Variants in TRAF3 observed in about 807,000 individuals in gnomAD.
The protein encoded by TRAF3 is TNF receptor-associated factor 3.
TRAF3 carries 13 observed loss-of-function variants against 62.3 expected under a neutral mutation model. The observed-to-expected ratio is 0.21, with a 90% CI of 0.14 to 0.33. TRAF3 has a LOEUF of 0.33. TRAF3 is among the 10% of genes least tolerant of loss of function. The pLI, the probability that TRAF3 is intolerant of heterozygous loss-of-function variation, is 1.00. For missense variants in TRAF3, 440 were observed against 741.8 expected (o/e 0.59, Z 4.73); for synonymous variants, 269 against 283.4 (o/e 0.95, Z 0.51).
intron 9 of TRAF3, chr14:102,895,177 T>A (rs1889937819): frequency 2.2e-6 from 1 of 453,094 alleles, no homozygotes; most frequent in Non-Finnish European, 4.4e-6. Flanking sequence ...ATGCTGCATA[T>A]GGCCCGCTCC....
At chr14:102,780,990 TC>T (rs1284768100) in intron 1 of TRAF3, among the ~76,000 whole-genome samples, 1 of 152,146 alleles carries the variant, frequency 6.6e-6, no homozygotes, top group Non-Finnish European at 1.5e-5. Context: ...GAATACTTTC[TC>T]CCACCAGGAA....
intron 6 of TRAF3, among the ~76,000 whole-genome samples, chr14:102,879,755 T>C (rs1281325149): frequency 6.6e-6 from 1 of 152,060 alleles, no homozygotes. Flanking sequence ...GTAATTTTCC[T>C]GTGTCCATGT....
rs376825456 is a variant in TRAF3, at chr14:102,789,870, AGTGCAGTG to A, written c.-157+12205_-157+12212del. 1.6e-3 allele frequency among the ~76,000 whole-genome samples: 235 copies of A among 150,816 alleles called. 1 individual carries two copies. Among genetic ancestry groups the A allele is most frequent in the Non-Finnish European group, 2.9e-3 (198 of 67,758 alleles). ...AGTCTCCTTCTGTTGCCCAGGCTGG[AGTGCAGTG>A]GTGCAGTGGCATGATCTTGGCTCAC... On this transcript the variant is annotated intron_variant, in intron 1 of 11. Transcript: ENST00000392745.
At chr14:102,787,196 T>C (rs983557542) in intron 1 of TRAF3, among the ~76,000 whole-genome samples, 1 of 152,084 alleles carries the variant, frequency 6.6e-6, no homozygotes, top group Non-Finnish European at 1.5e-5. Context: ...AGAAGGACAT[T>C]ATTGGACTGC....
At chr14:102,863,616 G>A (rs1019012166) in intron 2 of TRAF3, among the ~76,000 whole-genome samples, 2 of 152,160 alleles carry the variant, frequency 1.3e-5, no homozygotes, top group African/African-American at 4.8e-5. Context: ...GGGCATTTGT[G>A]GAGCCTTCTG....
chr14:102,879,974 G>A (rs1382403980), intron 6 of TRAF3, among the ~76,000 whole-genome samples: 1 of 151,926 alleles, frequency 6.6e-6, no homozygotes, highest in Admixed American at 6.6e-5. Flanking sequence ...AATTTAGCCG[G>A]GTGTGCTGAA....
At chr14:102,874,011 G>T (rs138267002) in intron 4 of TRAF3, among the ~76,000 whole-genome samples, 28 of 152,278 alleles carry the variant, frequency 1.8e-4, no homozygotes, top group African/African-American at 6.3e-4. Context: ...TGGGATCCCA[G>T]GACTTTGGGA....
intron 3 of TRAF3, among the ~76,000 whole-genome samples, chr14:102,871,192 C>T (rs780478016): frequency 6.6e-6 from 1 of 152,234 alleles, no homozygotes; most frequent in Non-Finnish European, 1.5e-5. Flanking sequence ...CGAGCCCCAG[C>T]CTGGGCACAG....
At chr14:102,904,809 CAAAA>C (rs36006172) in intron 11 of TRAF3, among the ~76,000 whole-genome samples, 6 of 79,998 alleles carry the variant, frequency 7.5e-5, no homozygotes, top group Admixed American at 1.4e-4. Context: ...GACTCCATCT[CAAAA>C]AAAAAAAAAA....
At chr14:102,797,496 G>A (rs1169909316) in intron 1 of TRAF3, among the ~76,000 whole-genome samples, 5 of 152,136 alleles carry the variant, frequency 3.3e-5, no homozygotes, top group African/African-American at 9.7e-5. Flanking sequence ...AGATAGTGGC[G>A]TCCCTCCTGC....
chr14:102,864,003 A>G (rs939754335), intron 2 of TRAF3, among the ~76,000 whole-genome samples: 9 of 152,198 alleles, frequency 5.9e-5, no homozygotes, highest in African/African-American at 2.2e-4. Flanking sequence ...ATGGGACCAG[A>G]GAAAGTTAAA....
intron 2 of TRAF3, among the ~76,000 whole-genome samples, chr14:102,841,754 T>C (rs1359496892): frequency 6.6e-6 from 1 of 152,124 alleles, no homozygotes; most frequent in African/African-American, 2.4e-5. Context: ...AATGTGATAT[T>C]AACCAGGAAG....
chr14:102,855,038 C>T (rs771010840), intron 2 of TRAF3, among the ~76,000 whole-genome samples: 33 of 152,254 alleles, frequency 2.2e-4, no homozygotes, highest in Admixed American at 1.2e-3. Flanking sequence ...AGTCTGCTTT[C>T]TGTCTTGTGG....
chr14:102,809,689 C>G (rs1023640679), intron 1 of TRAF3, among the ~76,000 whole-genome samples: 1 of 151,840 alleles, frequency 6.6e-6, no homozygotes, highest in African/African-American at 2.4e-5. Context: ...CGCCACCACA[C>G]CCGGCTAATT....
intron 2 of TRAF3, among the ~76,000 whole-genome samples, chr14:102,833,455 C>T (rs1455152947): frequency 3.9e-5 from 6 of 152,164 alleles, no homozygotes; most frequent in Non-Finnish European, 5.9e-5. Flanking sequence ...ATGGATCCTT[C>T]CTTCCTTTGC....
At position 102,811,913 on chromosome 14, in the gene TRAF3, C is replaced by CCTTTTTTTTTT. The variant is rs1381571409; in HGVS notation, c.-156-18421_-156-18420insCTTTTTTTTTT. On this transcript the variant is annotated intron_variant, in intron 1 of 11. Transcript: ENST00000392745. ...TAGGCTTGTGCCACCATGCCTGGCC[C>CCTTTTTTTTTT]TTTTTTTTTTTTTTTTTTTTTTTTT... is the stretch of plus-strand genomic sequence containing the variant. Among the ~76,000 whole-genome samples the CCTTTTTTTTTT allele has an allele frequency of 4.0e-4, 19 of 47,076 alleles. 1 individual carries two copies. The highest frequency in any genetic ancestry group is 1.7e-3 in the South Asian group (1 of 596). 30.9% of individuals were successfully genotyped at this position (47,076 alleles called of 152,430 possible).
At chr14:102,823,056 T>A (rs1900080208) in intron 1 of TRAF3, among the ~76,000 whole-genome samples, 1 of 151,896 alleles carries the variant, frequency 6.6e-6, no homozygotes, top group Admixed American at 6.6e-5. Context: ...TTTGAGCCAA[T>A]TACAGGATTG....
At position 102,905,400 on chromosome 14, in the gene TRAF3, C is replaced by T. The variant is rs1159024547; in HGVS notation, c.1323C>T (p.Tyr441=). The T allele has an allele frequency of 3.7e-6, 6 of 1,614,274 alleles. No homozygotes were observed. Among genetic ancestry groups the T allele is most frequent in the Non-Finnish European group, 4.2e-6 (5 of 1,180,058 alleles). The change falls in exon 12 of 12, where the codon TAC becomes TAT. Residue 441 remains tyrosine, a synonymous_variant. Coordinates refer to ENST00000392745, the MANE Select transcript of TRAF3 (RefSeq NM_145725.3). The stretch of plus-strand genomic sequence containing the variant: ...TCATGGGGAAGACCCTGTCCCTTTA[C>T]AGCCAGCCTTTCTACACTGGTTACT... The part of the protein sequence containing the change: ...EAVMGKTLSL[Y]SQPFYTGYFG...
chr14:102,797,346 G>A (rs1898148478), intron 1 of TRAF3, among the ~76,000 whole-genome samples: 2 of 152,100 alleles, frequency 1.3e-5, no homozygotes, highest in Admixed American at 1.3e-4. Context: ...TATATGATGA[G>A]GTCTCATCAA....
Sources: gnomAD v4.1 joint callset for allele counts (sites outside exome capture counted in the v4.1 genomes callset) on GRCh38, gnomAD v4.1.1 for gene constraint, MANE v1.5 for transcripts, NCBI Gene and HGNC (gene_info 2026-07-23, HGNC 2026-07-21) for gene names.